Variants in MAML2 observed in about 807,000 individuals in gnomAD.
The protein encoded by MAML2 is mastermind-like protein 2.
MAML2 carries 22 observed loss-of-function variants against 96.1 expected under a neutral mutation model. The observed-to-expected ratio is 0.23, with a 90% CI of 0.16 to 0.33. MAML2 has a LOEUF of 0.33. MAML2 is among the 10% of genes least tolerant of loss of function. The pLI is 1.00. For missense variants in MAML2, 1,367 were observed against 1,392.4 expected, an observed-to-expected ratio of 0.98 and a Z score of 0.29; for synonymous variants, 561 against 521.3, an observed-to-expected ratio of 1.08 and a Z score of -1.04.
intron 1 of MAML2, among the ~76,000 whole-genome samples, chr11:96,291,212 G>A (rs1351947631): frequency 7.8e-6 from 1 of 128,470 alleles, no homozygotes; most frequent in South Asian, 2.7e-4. Context: ...TGTAACCTCC[G>A]CCTCCCAGGT....
chr11:96,195,703 C>T (rs965460134), intron 1 of MAML2, among the ~76,000 whole-genome samples: 28 of 152,286 alleles, frequency 1.8e-4, no homozygotes, highest in African/African-American at 5.1e-4. Flanking sequence ...GAATGGACGA[C>T]CTGTGTGCAT....
chr11:96,309,402 G>A (rs978750216), intron 1 of MAML2, among the ~76,000 whole-genome samples: 2 of 152,174 alleles, frequency 1.3e-5, no homozygotes, highest in Non-Finnish European at 2.9e-5. Context: ...TACAGCCATG[G>A]AATCTGTACA....
In MAML2 at chr11:96,023,932, T is replaced by C. The variant is rs552159843; in HGVS notation, c.2140-32209A>G. 2.6e-5 allele frequency among the ~76,000 whole-genome samples: 4 copies of C among 152,304 alleles called. No individual in the cohort carries two copies. In the South Asian group the frequency reaches 8.3e-4, roughly 32 times the overall value. ...AATAAGGACAGAATCATCTTAAAAA[T>C]GGATAAGTCTCCTGCAGTAAAGTGA... On this transcript the variant is annotated intron_variant, in intron 2 of 4. Transcript: ENST00000524717.
intron 2 of MAML2, among the ~76,000 whole-genome samples, chr11:96,021,122 C>A (rs556971260): frequency 6.6e-6 from 1 of 152,182 alleles, no homozygotes; most frequent in South Asian, 2.1e-4. Context: ...CACCCTTGAG[C>A]CTAAATCAGT....
chr11:96,158,878 G>A (rs1292004288), intron 1 of MAML2, among the ~76,000 whole-genome samples: 1 of 152,148 alleles, frequency 6.6e-6, no homozygotes, highest in Non-Finnish European at 1.5e-5. Flanking sequence ...TAAAATCTTT[G>A]GGAGAAATGG....
Position 96,017,829 on chromosome 11 carries a change from A to G in MAML2, c.2140-26106T>C, listed in dbSNP as rs538543242. ...AGAGGCAAGATTGGCGGTGGGGTGC[A>G]GGGGTGGAGAAGCAGGGGAGACATG... On this transcript the variant is annotated intron_variant, in intron 2 of 4. Transcript: ENST00000524717. 2.1e-3 allele frequency among the ~76,000 whole-genome samples: 317 copies of G among 152,246 alleles called. 2 individuals are homozygous for G. In the South Asian group the frequency reaches 0.025, roughly 12 times the overall value.
intron 1 of MAML2, among the ~76,000 whole-genome samples, chr11:96,187,547 G>A (rs542323019): frequency 2.0e-5 from 3 of 152,252 alleles, no homozygotes; most frequent in South Asian, 4.1e-4. Flanking sequence ...GGTGGCTCAC[G>A]CCTGTAATGC....
intron 1 of MAML2, among the ~76,000 whole-genome samples, chr11:96,312,244 A>AAAAAAAAAAAT (rs60194294): frequency 2.0e-5 from 3 of 147,738 alleles, no homozygotes; most frequent in Non-Finnish European, 3.0e-5. Context: ...AAAAAAAAAA[A>AAAAAAAAAAAT]GAATGAGCAA....
At chr11:96,292,985 A>G (rs1321741308) in intron 1 of MAML2, among the ~76,000 whole-genome samples, 1 of 152,212 alleles carries the variant, frequency 6.6e-6, no homozygotes, top group Non-Finnish European at 1.5e-5. Flanking sequence ...TGGATTTTCT[A>G]TTTGACATTT....
intron 1 of MAML2, among the ~76,000 whole-genome samples, chr11:96,289,993 C>A (rs1465742787): frequency 6.6e-6 from 1 of 152,122 alleles, no homozygotes; most frequent in East Asian, 1.9e-4. Context: ...CCTCTAAGCT[C>A]TCTCACTTTT....
At chr11:96,152,010 G>C (rs1254765943) in intron 1 of MAML2, among the ~76,000 whole-genome samples, 1 of 152,146 alleles carries the variant, frequency 6.6e-6, no homozygotes, top group East Asian at 1.9e-4. Flanking sequence ...TGCACTTGAG[G>C]CTAGGAGTTT....
intron 1 of MAML2, among the ~76,000 whole-genome samples, chr11:96,175,398 G>C (rs1861369158): frequency 6.6e-6 from 1 of 152,284 alleles, no homozygotes; most frequent in South Asian, 2.1e-4. Flanking sequence ...GCAAACCACT[G>C]TAGTAGCCCC....
At chr11:96,232,533 G>A (rs962033229) in intron 1 of MAML2, among the ~76,000 whole-genome samples, 2 of 151,916 alleles carry the variant, frequency 1.3e-5, no homozygotes, top group Non-Finnish European at 2.9e-5. Context: ...GCAATGGTGC[G>A]ATCTCGGCTC....
At chr11:96,050,125 T>C (rs747948303) in intron 2 of MAML2, among the ~76,000 whole-genome samples, 1 of 152,206 alleles carries the variant, frequency 6.6e-6, no homozygotes, top group Non-Finnish European at 1.5e-5. Flanking sequence ...ACTCAAAAGA[T>C]CCTTACCGGT....
In MAML2 at chr11:96,093,421, T is replaced by C; in HGVS notation, c.610A>G (p.Lys204Glu). Reference sequence around the variant, plus strand: ...AGATTCTCCCCAACACGAATTCTTTTGATATCAAGAAATGAGTTGTCCACA... The same window carrying C: ...AGATTCTCCCCAACACGAATTCTTTCGATATCAAGAAATGAGTTGTCCACA... The part of the protein sequence containing the change: ...GFVDNSFLDI[K>E]RIRVGENLSA... Residue 204 changes from lysine (K) to glutamate (E), a missense_variant, in exon 2 of 5, where the codon AAA (lysine) becomes GAA (glutamate). Lys to Glu is a moderately conservative substitution (Grantham distance 56). Transcript: ENST00000524717. 1 of 1,614,028 alleles carries C rather than the reference T, an allele frequency of 6.2e-7. No individual in the cohort carries two copies. The highest frequency in any genetic ancestry group is 8.5e-7 in the Non-Finnish European group (1 of 1,179,894).
At chr11:95,995,755 CTCTACTAT>C (rs1286037866) in intron 2 of MAML2, among the ~76,000 whole-genome samples, 2 of 152,096 alleles carry the variant, frequency 1.3e-5, no homozygotes, top group Admixed American at 1.3e-4. Flanking sequence ...CCACAGCAGC[CTCTACTAT>C]TCCTTACTTT....
At chr11:96,224,580 T>A (rs1862185442) in intron 1 of MAML2, among the ~76,000 whole-genome samples, 2 of 152,246 alleles carry the variant, frequency 1.3e-5, no homozygotes, top group South Asian at 4.1e-4. Flanking sequence ...ACACCTCCTC[T>A]GTAGCTCTCT....
chr11:96,152,257 A>T (rs912095524), intron 1 of MAML2, among the ~76,000 whole-genome samples: 1 of 152,248 alleles, frequency 6.6e-6, no homozygotes, highest in Non-Finnish European at 1.5e-5. Context: ...GCATATTGTT[A>T]TCAACAGCAA....
At chr11:96,310,990 T>C (rs1016035880) in intron 1 of MAML2, among the ~76,000 whole-genome samples, 6 of 152,214 alleles carry the variant, frequency 3.9e-5, no homozygotes, top group Admixed American at 3.9e-4. Context: ...GTCCCAACTA[T>C]GTCTAGGCAC....
Sources: gnomAD v4.1 joint callset for allele counts (sites outside exome capture counted in the v4.1 genomes callset) on GRCh38, gnomAD v4.1.1 for gene constraint, MANE v1.5 for transcripts, NCBI Gene and HGNC (gene_info 2026-07-23, HGNC 2026-07-21) for gene names.